The following RTEL1 variants were observed in gnomAD, a reference collection of about 807,000 sequenced individuals.
RTEL1 encodes the protein regulator of telomere length.
A neutral mutation model predicts 162.2 loss-of-function variants in RTEL1; 86 were observed. That is an observed-to-expected ratio of 0.53 (90% CI 0.45 to 0.63). RTEL1 has a LOEUF of 0.63. Among genes scored for constraint, RTEL1 ranks in the 30% least tolerant of loss-of-function variants. RTEL1 has a pLI of 0.00. For synonymous variants in RTEL1, 958 were observed against 717.9 expected (o/e 1.33, Z -5.35); for missense variants, 1,941 against 1,750.2 (o/e 1.11, Z -1.95).
chr20:63,663,715 C>T (rs2090067074), intron 6 of RTEL1, among the ~76,000 whole-genome samples: 1 of 152,186 alleles, frequency 6.6e-6, no homozygotes, highest in Non-Finnish European at 1.5e-5. Context: ...TGTTTCCTGC[C>T]TCAGTTGGGG....
At chr20:63,666,901 G>T (rs541926366) in intron 7 of RTEL1, among the ~76,000 whole-genome samples, 2,974 of 145,768 alleles carry the variant, frequency 0.02, 41 homozygotes, top group Non-Finnish European at 0.033. Flanking sequence ...GTGCAGTGGT[G>T]CGATCTCGGC....
Position 63,661,389 on chromosome 20 carries a change from A to G in RTEL1, c.194A>G (p.Asp65Gly), listed in dbSNP as rs767133792. ...TTLAWREHLRDGISARKIAER... is the reference protein window; with the variant it reads ...TTLAWREHLRGGISARKIAER... ...CTGGCCTGGCGAGAACACCTCCGAG[A>G]CGGCATCTCTGCCCGCAAGATTGCC... Residue 65 changes from aspartate to glycine, a missense_variant, in exon 3 of 35, where the codon GAC (aspartate) becomes GGC (glycine). Asp to Gly is a moderately conservative substitution (Grantham distance 94). Coordinates refer to ENST00000360203, the MANE Select transcript of RTEL1 (RefSeq NM_001283009.2). The surrounding 1 kb of genome is among the most constrained non-coding windows in gnomAD (Gnocchi z 5.1). 3.7e-6 allele frequency: 6 copies of G among 1,613,850 alleles called. No homozygotes were observed. In the South Asian group the frequency reaches 6.6e-5, roughly 18 times the overall value.
At chr20:63,691,898 TG>T in intron 28 of RTEL1, 61 bp downstream of exon 28, 2 of 1,410,302 alleles carry the variant, frequency 1.4e-6, no homozygotes, top group Non-Finnish European at 2.0e-6. Context: ...AACGCAGCCG[TG>T]GGTGCCCCCA....
chr20:63,688,620 G>C lies in RTEL1; in HGVS notation c.1800+15G>C. On this transcript the variant is annotated intron_variant, in intron 21 of 34. Transcript: ENST00000360203. ...GCTTCTCCGAGGTCGGCACTTGGCC[G>C]GGGCTCTGGGCCTGCTGCCCCCTCG... The C allele has an allele frequency of 6.3e-7, 1 of 1,595,466 alleles. No individual in the cohort carries two copies. The highest frequency in any genetic ancestry group is 8.5e-7 in the Non-Finnish European group (1 of 1,173,208).
chr20:63,666,893 G>A (rs1385593895), intron 7 of RTEL1, among the ~76,000 whole-genome samples: 3 of 142,764 alleles, frequency 2.1e-5, no homozygotes, highest in South Asian at 2.2e-4. Flanking sequence ...AGGCTGGAGT[G>A]CAGTGGTGCG....
chr20:63,690,126 G>A lies in RTEL1; in HGVS notation c.2181G>A (p.Trp727Ter). The change falls in exon 25 of 35, where the codon TGG (tryptophan) becomes TGA (stop). Residue 727 changes from tryptophan to a stop codon, truncating the protein, a stop_gained. Transcript: ENST00000360203. LOFTEE classifies it high-confidence loss of function. ...FADARAQLPSWVRPHVRVYDN... is the reference protein window; with the variant it reads ...FADARAQLPS ...ACGCAAGAGCCCAACTGCCCTCCTG[G>A]GTGCGTCCCCACGTCAGGGTGTATG... 6.2e-7 allele frequency: 1 copy of A among 1,612,336 alleles called. No homozygotes were observed.
intron 10 of RTEL1, among the ~76,000 whole-genome samples, chr20:63,677,466 T>C (rs561563676): frequency 1.6e-3 from 237 of 152,174 alleles, no homozygotes; most frequent in African/African-American, 5.5e-3. Context: ...AATGCGAAAA[T>C]TAGCCGGGCA....
intron 12 of RTEL1, among the ~76,000 whole-genome samples, 197 bp downstream of exon 12, chr20:63,678,543 G>A (rs976148460): frequency 7.3e-5 from 11 of 150,902 alleles, no homozygotes; most frequent in African/African-American, 2.4e-4. Flanking sequence ...ACACTCCCAC[G>A]GGACAGCACA....
At chr20:63,674,167 C>T (rs1296537954) in intron 10 of RTEL1, 74 bp downstream of exon 10, 30 of 1,530,724 alleles carry the variant, frequency 2.0e-5, no homozygotes, top group Admixed American at 1.6e-4. Context: ...GAGTTCAGCA[C>T]GGACTCCCCC....
Position 63,662,564 on chromosome 20 carries a change from G to A in RTEL1, c.414G>A (p.Leu138=). 2.5e-6 allele frequency: 4 copies of A among 1,614,050 alleles called. No individual in the cohort carries two copies. Among genetic ancestry groups the A allele is most frequent in the Non-Finnish European group, 2.5e-6 (3 of 1,180,016 alleles). ...CCACCAGGCCTAAGGTGTGTGTGCT[G>A]GGCTCCCGGGAGCAGCTGTGCATCC... The part of the protein sequence containing the change: ...NTSYRPKVCV[L]GSREQLCIHP... Residue 138 remains leucine, a synonymous_variant, in exon 5 of 35, where the codon CTG becomes CTA. Transcript: ENST00000360203.
intron 16 of RTEL1, chr20:63,686,438 TGGG>T (rs1335657507): frequency 6.4e-6 from 1 of 156,684 alleles, no homozygotes; most frequent in Non-Finnish European, 1.4e-5. Flanking sequence ...CTGTGGTTCT[TGGG>T]GTGTATCTGG....
In RTEL1 at chr20:63,690,136, C is replaced by T. The variant is rs149063501; in HGVS notation, c.2191C>T (p.His731Tyr). 8.8e-5 allele frequency: 142 copies of T among 1,612,346 alleles called. No homozygotes were observed. The highest frequency in any genetic ancestry group is 1.2e-4 in the Non-Finnish European group (138 of 1,179,856). The change falls in exon 25 of 35, where the codon CAC becomes TAC. Residue 731 changes from histidine to tyrosine, a missense_variant. Physicochemically the swap from His to Tyr is moderately conservative, Grantham distance 83 (BLOSUM62 2). Coordinates refer to ENST00000360203, the MANE Select transcript of RTEL1 (RefSeq NM_001283009.2). ...RAQLPSWVRP[H>Y]VRVYDNFGHV... ...CCAACTGCCCTCCTGGGTGCGTCCC[C>T]ACGTCAGGGTGTATGACAACTTTGG... is the stretch of plus-strand genomic sequence containing the variant.
intron 5 of RTEL1, 21 bp downstream of exon 5, chr20:63,662,648 T>C: frequency 6.2e-7 from 1 of 1,613,266 alleles, no homozygotes; most frequent in Non-Finnish European, 8.5e-7. Context: ...GGGCTCCCGC[T>C]CCGGCTCAGT....
chr20:63,679,589 G>A (rs542068433), intron 12 of RTEL1, among the ~76,000 whole-genome samples: 6 of 152,220 alleles, frequency 3.9e-5, no homozygotes, highest in African/African-American at 1.4e-4. Flanking sequence ...GAGGGCGGAG[G>A]CCTCTCACCT....
intron 14 of RTEL1, among the ~76,000 whole-genome samples, chr20:63,684,413 G>A (rs1375134136): frequency 1.3e-5 from 2 of 152,172 alleles, no homozygotes; most frequent in East Asian, 3.8e-4. Context: ...GAGTGCAGTG[G>A]CGCGATCTCG....
In RTEL1 at chr20:63,671,582, C is replaced by T. The variant is rs975887930; in HGVS notation, c.700-974C>T. Among the ~76,000 whole-genome samples, 7 of 150,454 alleles carry T rather than the reference C, an allele frequency of 4.7e-5. No homozygotes were observed. The East Asian group carries it at 8.0e-4, about 17-fold the overall frequency. The stretch of plus-strand genomic sequence containing the variant: ...CTGCAAGCTCTGCCTCCTGGGTTCA[C>T]GCCATTCTCCTGCCTCAGCCTCCCG... On this transcript the variant is annotated intron_variant, in intron 8 of 34. Transcript: ENST00000360203.
At position 63,696,009 on chromosome 20, in the gene RTEL1, G is replaced by C. The variant is rs921866090; in HGVS notation, c.*151G>C. On this transcript the variant is annotated 3_prime_UTR_variant, in exon 35 of 35. Transcript: ENST00000360203. ...CTCAGGCAGGCGGGGCCCATGGTTG[G>C]TCCCTGCGGTGGGACCGGATCTGGG... The C allele has an allele frequency of 1.8e-5, 13 of 739,664 alleles. No homozygotes were observed. The highest frequency in any genetic ancestry group is 1.1e-4 in the East Asian group (4 of 36,788). The allele number at this position is 739,664 out of a possible 1,614,324, so 45.8% of individuals were successfully genotyped here.
In RTEL1 at chr20:63,695,152, G is replaced by A. The variant is rs141644271; in HGVS notation, c.3430G>A (p.Glu1144Lys). ...DLTGRPYPGM[E>K]PPGPQEERLA... Reference sequence around the variant, plus strand: ...GACCGGCCGGCCCTACCCGGGCATGGAGCCACCGGGACCCCAGGAGGAGAG... The same window carrying A: ...GACCGGCCGGCCCTACCCGGGCATGAAGCCACCGGGACCCCAGGAGGAGAG... Residue 1144 changes from glutamate (E) to lysine (K), a missense_variant, in exon 33 of 35, where the codon GAG becomes AAG. Coordinates refer to ENST00000360203, the MANE Select transcript of RTEL1 (RefSeq NM_001283009.2). The A allele has an allele frequency of 3.7e-6, 6 of 1,612,424 alleles. No homozygotes were observed. In the African/African-American group the frequency reaches 5.3e-5, roughly 14 times the overall value.
chr20:63,681,402 G>A (rs7361098), intron 14 of RTEL1: 755,555 of 985,078 alleles, frequency 0.77, 292,103 homozygotes, highest in African/African-American at 0.94. Flanking sequence ...GACTGGGGAA[G>A]CCAAGGCACA....
Sources: gnomAD v4.1 joint callset for allele counts (sites outside exome capture counted in the v4.1 genomes callset) on GRCh38, gnomAD v4.1.1 for gene constraint, Gnocchi (gnomAD v3.1) non-coding constraint, MANE v1.5 for transcripts, NCBI Gene and HGNC (gene_info 2026-07-23, HGNC 2026-07-21) for gene names.